SHISA6: variants seen among roughly 807,000 people sequenced by gnomAD.
SHISA6 encodes shisa family member 6.
In SHISA6, 22 loss-of-function variants were observed where a neutral mutation model predicts 47.9. The ratio of observed to expected loss-of-function variants is 0.46; its 90% confidence interval spans 0.33 to 0.66. The LOEUF (loss-of-function observed/expected upper bound fraction) is 0.66, where lower values mean the gene tolerates loss of function less well. Among genes scored for constraint, SHISA6 ranks in the 30% least tolerant of loss-of-function variants. The probability of loss-of-function intolerance (pLI) is 0.02; values close to 1 mark genes in which losing one functional copy is unlikely to be tolerated. For synonymous variants in SHISA6, 388 were observed against 337.8 expected (o/e 1.15, Z -1.63); for missense variants, 680 against 764.6 (o/e 0.89, Z 1.30).
At chr17:11,554,518 T>C (rs2071958485) in intron 4 of SHISA6, among the ~76,000 whole-genome samples, 1 of 152,146 alleles carries the variant, frequency 6.6e-6, no homozygotes, top group Non-Finnish European at 1.5e-5. Flanking sequence ...GCTTTCCACG[T>C]TTCCACACTC....
chr17:11,284,776 C>T (rs1909239646), intron 2 of SHISA6, among the ~76,000 whole-genome samples: 1 of 152,192 alleles, frequency 6.6e-6, no homozygotes, highest in Non-Finnish European at 1.5e-5. Flanking sequence ...TTTTCACTGG[C>T]ATGAATCCTA....
chr17:11,502,408 CAAAAAAA>C (rs33980148), intron 3 of SHISA6, among the ~76,000 whole-genome samples: 17 of 34,070 alleles, frequency 5.0e-4, no homozygotes, highest in Non-Finnish European at 6.9e-4. Context: ...GACTCCGTCT[CAAAAAAA>C]AAAAAAAAAA....
At chr17:11,351,775 A>G (rs1392234848) in intron 2 of SHISA6, among the ~76,000 whole-genome samples, 1 of 152,244 alleles carries the variant, frequency 6.6e-6, no homozygotes, top group Middle Eastern at 3.2e-3. Context: ...TTAGGAAGTC[A>G]GGAATGGCAC....
chr17:11,411,648 C>T (rs564113842), intron 3 of SHISA6, among the ~76,000 whole-genome samples: 9 of 152,216 alleles, frequency 5.9e-5, no homozygotes, highest in Non-Finnish European at 1.0e-4. Context: ...CCGCCCTCCT[C>T]GGCCTCCCAA....
intron 2 of SHISA6, among the ~76,000 whole-genome samples, chr17:11,267,124 T>C (rs1908453688): frequency 6.6e-6 from 1 of 152,232 alleles, no homozygotes; most frequent in Non-Finnish European, 1.5e-5. Flanking sequence ...AAGAGCCTTT[T>C]ACCCCAACTC....
At chr17:11,420,311 C>T (rs1348750543) in intron 3 of SHISA6, among the ~76,000 whole-genome samples, 1 of 152,178 alleles carries the variant, frequency 6.6e-6, no homozygotes. Context: ...CTGTGATCTT[C>T]GTTTGCCCCT....
At chr17:11,333,145 G>A (rs1911189654) in intron 2 of SHISA6, among the ~76,000 whole-genome samples, 1 of 152,136 alleles carries the variant, frequency 6.6e-6, no homozygotes, top group Non-Finnish European at 1.5e-5. Flanking sequence ...GCATTATAAG[G>A]AATATTTAGG....
At chr17:11,413,116 G>A (rs1391332121) in intron 3 of SHISA6, among the ~76,000 whole-genome samples, 2 of 152,106 alleles carry the variant, frequency 1.3e-5, no homozygotes, top group Admixed American at 1.3e-4. Context: ...ACAGATCTGT[G>A]GATGGGCACT....
intron 2 of SHISA6, among the ~76,000 whole-genome samples, chr17:11,370,737 C>T (rs1038963977): frequency 1.3e-5 from 2 of 152,198 alleles, no homozygotes; most frequent in African/African-American, 4.8e-5. Flanking sequence ...CCAAGACTAT[C>T]TGCCTTTGTG....
At chr17:11,447,253 G>A (rs115105027) in intron 3 of SHISA6, among the ~76,000 whole-genome samples, 2,090 of 152,306 alleles carry the variant, frequency 0.014, 40 homozygotes, top group African/African-American at 0.046. Context: ...GGGAAGGTAA[G>A]AAAGAAAGAA....
intron 2 of SHISA6, among the ~76,000 whole-genome samples, chr17:11,295,982 A>G (rs919891737): frequency 3.5e-5 from 5 of 143,322 alleles, no homozygotes; most frequent in African/African-American, 5.0e-5. Context: ...AAAAAAAAAA[A>G]AAGTCAGGGG....
chr17:11,289,023 G>A (rs1234111044), intron 2 of SHISA6: 2 of 152,086 alleles, frequency 1.3e-5, no homozygotes, highest in African/African-American at 4.8e-5. Context: ...ATTTAACACA[G>A]AATCTTTCAA....
rs571954582 is a variant in SHISA6, at chr17:11,532,092, T to C, written c.896-19804T>C. On this transcript the variant is annotated intron_variant, in intron 3 of 5. Transcript: ENST00000441885. ...AGTCAGATGACAGAAGATAATGATGTAGAACAGAAAATTTCATAGGGTGGA... is the reference window on the plus strand; with the variant it reads ...AGTCAGATGACAGAAGATAATGATGCAGAACAGAAAATTTCATAGGGTGGA... Among the ~76,000 whole-genome samples the C allele has an allele frequency of 1.4e-3, 208 of 152,288 alleles. 1 individual carries two copies. The highest frequency in any genetic ancestry group is 2.8e-3 in the Non-Finnish European group (190 of 68,018).
intron 3 of SHISA6, among the ~76,000 whole-genome samples, chr17:11,406,503 C>T (rs1913965665): frequency 6.6e-6 from 1 of 152,226 alleles, no homozygotes; most frequent in African/African-American, 2.4e-5. Flanking sequence ...CCAGGCACCA[C>T]AATTCTCGGC....
chr17:11,514,778 G>A (rs1328415482), intron 3 of SHISA6, among the ~76,000 whole-genome samples: 1 of 152,204 alleles, frequency 6.6e-6, no homozygotes, highest in Non-Finnish European at 1.5e-5. Context: ...CCAATGCCAG[G>A]AGGCACCTGT....
chr17:11,305,945 C>T (rs1206116586), intron 2 of SHISA6, among the ~76,000 whole-genome samples: 2 of 152,116 alleles, frequency 1.3e-5, no homozygotes. Flanking sequence ...TCTTCACTGT[C>T]ATAGTCAGCG....
At chr17:11,516,529 G>A (rs999122998) in intron 3 of SHISA6, among the ~76,000 whole-genome samples, 5 of 152,182 alleles carry the variant, frequency 3.3e-5, no homozygotes, top group Non-Finnish European at 7.3e-5. Context: ...AGCTGAAGGA[G>A]GGGGATCTCA....
chr17:11,359,337 A>T, intron 2 of SHISA6, among the ~76,000 whole-genome samples: 1 of 152,340 alleles, frequency 6.6e-6, no homozygotes, highest in Non-Finnish European at 1.5e-5. Flanking sequence ...TACTCAGAAT[A>T]TATTTGTTTG....
chr17:11,549,879 A>T (rs1300477795), intron 3 of SHISA6, among the ~76,000 whole-genome samples: 1 of 152,170 alleles, frequency 6.6e-6, no homozygotes, highest in African/African-American at 2.4e-5. Context: ...ATGTTTTTTA[A>T]TCTCTCTGGA....
Sources: gnomAD v4.1 joint callset for allele counts (sites outside exome capture counted in the v4.1 genomes callset) on GRCh38, gnomAD v4.1.1 for gene constraint, MANE v1.5 for transcripts, NCBI Gene and HGNC (gene_info 2026-07-23, HGNC 2026-07-21) for gene names.